The following MYO7A variants were observed in gnomAD, a reference collection of about 807,000 sequenced individuals.
MYO7A encodes the protein unconventional myosin-VIIa.
In MYO7A, 210 loss-of-function variants were observed where a neutral mutation model predicts 263.8. The observed-to-expected ratio is 0.80, with a 90% CI of 0.71 to 0.89. The LOEUF (loss-of-function observed/expected upper bound fraction) is 0.89. Ranked by LOEUF, MYO7A falls within the 40% of genes least tolerant of loss-of-function variation. The pLI is 0.00. For synonymous variants in MYO7A, 1,239 were observed against 1,197.3 expected (o/e 1.03, Z -0.72); for missense variants, 2,820 against 2,968.3 (o/e 0.95, Z 1.16).
rs371123250 is a variant in MYO7A, at chr11:77,192,189, C to T, written c.4063C>T (p.His1355Tyr). 1.9e-6 allele frequency: 3 copies of T among 1,613,946 alleles called. No homozygotes were observed. The African/African-American group carries it at 4.0e-5, about 22-fold the overall frequency. ...FFRKEVFTPW[H>Y]SPSEDNVATN... ...CCGCAAAGAGGTCTTCACGCCCTGG[C>T]ACAGCCCCTCCGAGGACAACGTGGC... The change falls in exon 31 of 49, where the codon CAC becomes TAC. Residue 1355 changes from histidine to tyrosine, a missense_variant. His to Tyr is a moderately conservative substitution (Grantham distance 83). Coordinates refer to ENST00000409709, the MANE Select transcript of MYO7A (RefSeq NM_000260.4).
In MYO7A at chr11:77,166,088, G is replaced by A. The variant is rs782154632; in HGVS notation, c.1723G>A (p.Gly575Arg). The A allele has an allele frequency of 4.3e-6, 7 of 1,613,892 alleles. No individual in the cohort carries two copies. Among genetic ancestry groups the A allele is most frequent in the Non-Finnish European group, 5.9e-6 (7 of 1,179,852 alleles). The change falls in exon 15 of 49, where the codon GGG becomes AGG. Residue 575 changes from glycine (G) to arginine (R), a missense_variant. Physicochemically the swap from Gly to Arg is moderately radical, Grantham distance 125. Transcript: ENST00000409709. ...GGAGAAGAACCGAGACACCCTGCAT[G>A]GGGACATTATCCAGCTGGTCCACTC... ...FLEKNRDTLHGDIIQLVHSSR... is the reference protein window; with the variant it reads ...FLEKNRDTLHRDIIQLVHSSR...
chr11:77,206,271 GGT>G, intron 41 of MYO7A, 69 bp downstream of exon 41: 1 of 1,271,860 alleles, frequency 7.9e-7, no homozygotes, highest in Non-Finnish European at 1.1e-6. Flanking sequence ...GGACACCAAA[GGT>G]GGCCTTAAGC....
In MYO7A at chr11:77,206,213, C is replaced by G; in HGVS notation, c.5742+11C>G. On this transcript the variant is annotated intron_variant, in intron 41 of 48. Coordinates refer to ENST00000409709, the MANE Select transcript of MYO7A (RefSeq NM_000260.4). ...GATGACACTGACGAGGTGAGGGTCA[C>G]CGGCTTCTAGGTCTGCAGTGCCCAG... The G allele has an allele frequency of 6.2e-7, 1 of 1,600,212 alleles. No individual in the cohort carries two copies. Among genetic ancestry groups the G allele is most frequent in the Non-Finnish European group, 8.5e-7 (1 of 1,170,690 alleles).
chr11:77,188,477 A>C (rs1555089580), intron 27 of MYO7A, among the ~76,000 whole-genome samples: 1 of 152,030 alleles, frequency 6.6e-6, no homozygotes, highest in East Asian at 1.9e-4. Flanking sequence ...TGAGCCACTG[A>C]ATTAGGTAAT....
At chr11:77,213,738 C>CT (rs1267222043) in intron 47 of MYO7A, 122 bp from the exon 48 acceptor site, 2 of 1,405,364 alleles carry the variant, frequency 1.4e-6, no homozygotes, top group Admixed American at 1.9e-5. Context: ...GATGGCAGAG[C>CT]TGGCTTTTCC....
intron 32 of MYO7A, among the ~76,000 whole-genome samples, chr11:77,195,104 G>T (rs118188655): frequency 6.6e-6 from 1 of 152,064 alleles, no homozygotes; most frequent in Non-Finnish European, 1.5e-5. Context: ...AATTGCCCCC[G>T]TACATAAGTC....
intron 4 of MYO7A, among the ~76,000 whole-genome samples, chr11:77,152,308 G>A (rs570776972): frequency 2.6e-5 from 4 of 152,262 alleles, no homozygotes; most frequent in East Asian, 1.9e-4. Context: ...CGCCTTTCCC[G>A]TCAGCATGGC....
In MYO7A at chr11:77,193,104, A is replaced by ATGG. The variant is rs769497256; in HGVS notation, c.4152+828_4152+829insGTG. Among the ~76,000 whole-genome samples the ATGG allele has an allele frequency of 8.8e-4, 72 of 81,656 alleles. 10 individuals are homozygous for ATGG. The highest frequency in any genetic ancestry group is 1.2e-3 in the African/African-American group (28 of 23,560). 53.6% of individuals were successfully genotyped at this position (81,656 alleles called of 152,430 possible). On this transcript the variant is annotated intron_variant, in intron 31 of 48. Transcript: ENST00000409709. ...GTTGTTTGTGATGGTGGAGGTAGTG[A>ATGG]TGCTGTTGGTGATGGTGGAGGTAGC...
At chr11:77,179,628 G>A in intron 20 of MYO7A, 107 bp from the exon 21 acceptor site, 1 of 997,202 alleles carries the variant, frequency 1.0e-6, no homozygotes. Flanking sequence ...CACGCCTTCT[G>A]GGGGTGCCTG....
rs1413138417 is a variant in MYO7A, at chr11:77,138,255, C to A, written c.19-4454C>A. ...AGGGTTCCGGGGCGGGCGGCGCGCA[C>A]GGGATTAGGTGAATTAGGGAGCCGG... On this transcript the variant is annotated intron_variant, in intron 2 of 48. Transcript: ENST00000409709. The surrounding 1 kb of genome is among the most constrained non-coding windows in gnomAD (Gnocchi z 4.9). Among the ~76,000 whole-genome samples, 1 of 148,732 alleles carries A rather than the reference C, an allele frequency of 6.7e-6. No individual in the cohort carries two copies. Among genetic ancestry groups the A allele is most frequent in the South Asian group, 2.1e-4 (1 of 4,720 alleles).
intron 11 of MYO7A, among the ~76,000 whole-genome samples, chr11:77,160,736 G>A (rs1488063799): frequency 6.6e-6 from 1 of 152,164 alleles, no homozygotes; most frequent in Non-Finnish European, 1.5e-5. Context: ...CATGGTCAGG[G>A]AAGGCTTCTC....
chr11:77,128,993 C>A (rs1222290477), intron 1 of MYO7A, among the ~76,000 whole-genome samples: 1 of 152,208 alleles, frequency 6.6e-6, no homozygotes, highest in African/African-American at 2.4e-5. Flanking sequence ...ACAGTCTATG[C>A]CCCCTGTTGT....
chr11:77,159,510 C>T lies in MYO7A; in HGVS notation c.1067C>T (p.Ala356Val). 6.2e-7 allele frequency: 1 copy of T among 1,613,374 alleles called. No homozygotes were observed. The highest frequency in any genetic ancestry group is 1.1e-5 in the South Asian group (1 of 91,070). The change falls in exon 10 of 49, where the codon GCA (alanine) becomes GTA (valine). Residue 356 changes from alanine to valine, a missense_variant. Ala to Val is a moderately conservative substitution (Grantham distance 64). Transcript: ENST00000409709. ...TTCTCCCCATCGCTGGCCACAGCTG[C>T]ATCCCTGCTTGAGGTCAGTGCCTGG... ...VLFSPSLATA[A>V]SLLEVNPPDL...
intron 1 of MYO7A, among the ~76,000 whole-genome samples, chr11:77,129,741 G>A (rs1555045499): frequency 6.6e-6 from 1 of 152,208 alleles, no homozygotes; most frequent in Non-Finnish European, 1.5e-5. Context: ...AGGCTTCCTG[G>A]AGGAGGTATC....
Position 77,181,961 on chromosome 11 carries a change from G to A in MYO7A, c.2915G>A (p.Arg972Gln), listed in dbSNP as rs782426472. ...QAPSGFEDLERGRREMVEEDL... is the reference protein window; with the variant it reads ...QAPSGFEDLEQGRREMVEEDL... Reference sequence around the variant, plus strand: ...TCTTGTCTCCTTCAGGACCTGGAGCGAGGGCGGAGGGAGATGGTGGAGGAG... The same window carrying A: ...TCTTGTCTCCTTCAGGACCTGGAGCAAGGGCGGAGGGAGATGGTGGAGGAG... The change falls in exon 24 of 49, where the codon CGA becomes CAA. Residue 972 changes from arginine to glutamine, a missense_variant. Arg to Gln is a conservative substitution (Grantham distance 43, BLOSUM62 1). Coordinates refer to ENST00000409709, the MANE Select transcript of MYO7A (RefSeq NM_000260.4). 139 of 1,612,982 alleles carry A rather than the reference G, an allele frequency of 8.6e-5. No homozygotes were observed. Among genetic ancestry groups the A allele is most frequent in the Non-Finnish European group, 1.0e-4 (120 of 1,179,766 alleles).
Position 77,162,921 on chromosome 11 carries a change from C to A in MYO7A, c.1623C>A (p.Pro541=), listed in dbSNP as rs373327248. 5.0e-6 allele frequency: 8 copies of A among 1,613,878 alleles called. No homozygotes were observed. The South Asian group carries it at 5.5e-5, about 11-fold the overall frequency. Residue 541 remains proline, a synonymous_variant, in exon 14 of 49, where the codon CCC becomes CCA. Transcript: ENST00000409709. ...AGCTCAACGCCAACTACATCCCCCC[C>A]AAGAACAACCATGAGACCCAGTTTG... ...QHKLNANYIP[P]KNNHETQFGI...
intron 32 of MYO7A, among the ~76,000 whole-genome samples, chr11:77,195,198 G>C (rs1419476468): frequency 6.6e-6 from 1 of 152,076 alleles, no homozygotes; most frequent in Non-Finnish European, 1.5e-5. Flanking sequence ...GGAGCCCTGT[G>C]CCACCCTCCA....
At chr11:77,202,517 C>G in intron 37 of MYO7A, 93 bp downstream of exon 37, 1 of 1,467,244 alleles carries the variant, frequency 6.8e-7, no homozygotes, top group Non-Finnish European at 9.1e-7. Flanking sequence ...CTTTGTGAAG[C>G]CCCCACCTGT....
Position 77,172,815 on chromosome 11 carries a change from T to A in MYO7A, c.1865T>A (p.Met622Lys). Residue 622 changes from methionine to lysine, a missense_variant, in exon 16 of 49, where the codon ATG (methionine) becomes AAG (lysine). By Grantham distance (95) the Met-to-Lys change is moderately conservative (BLOSUM62 -1). Coordinates refer to ENST00000409709, the MANE Select transcript of MYO7A (RefSeq NM_000260.4). ...TTCAAGCGGTCACTGGAGCTGCTGA[T>A]GCGCACGCTGGGTGCCTGCCAGCCC... is the stretch of plus-strand genomic sequence containing the variant. ...SQFKRSLELL[M>K]RTLGACQPFF... is the part of the protein sequence containing the mutation. 1 of 1,554,044 alleles carries A rather than the reference T, an allele frequency of 6.4e-7. No individual in the cohort carries two copies. The highest frequency in any genetic ancestry group is 8.7e-7 in the Non-Finnish European group (1 of 1,148,648).
Sources: gnomAD v4.1 joint callset for allele counts (sites outside exome capture counted in the v4.1 genomes callset) on GRCh38, gnomAD v4.1.1 for gene constraint, Gnocchi (gnomAD v3.1) non-coding constraint, MANE v1.5 for transcripts, NCBI Gene and HGNC (gene_info 2026-07-23, HGNC 2026-07-21) for gene names.